Variants in ARHGAP42 observed in about 807,000 individuals in gnomAD.
ARHGAP42 encodes the protein Rho GTPase activating protein 42.
Under a neutral mutation model 125.0 loss-of-function variants are expected in ARHGAP42, and 63 were observed. The observed-to-expected ratio is 0.50, with a 90% CI of 0.41 to 0.62. The LOEUF (loss-of-function observed/expected upper bound fraction) is 0.62, where lower values mean the gene tolerates loss of function less well. Among genes scored for constraint, ARHGAP42 ranks in the 20% least tolerant of loss-of-function variants. ARHGAP42 has a pLI of 0.00. For missense variants in ARHGAP42, 766 were observed against 1,024.2 expected (o/e 0.75, Z 3.44); for synonymous variants, 339 against 351.0 (o/e 0.97, Z 0.38).
chr11:100,838,236 T>C (rs1864861748), intron 3 of ARHGAP42, among the ~76,000 whole-genome samples: 1 of 152,036 alleles, frequency 6.6e-6, no homozygotes, highest in Admixed American at 6.6e-5. Context: ...CTTTTTCTCA[T>C]TACTGTTGGT....
chr11:100,972,236 T>C (rs1345336753), intron 17 of ARHGAP42, among the ~76,000 whole-genome samples: 2 of 152,198 alleles, frequency 1.3e-5, no homozygotes, highest in African/African-American at 4.8e-5. Flanking sequence ...TCTTGTGTTA[T>C]ACTAATAACC....
chr11:100,961,390 A>G (rs1248812008), intron 14 of ARHGAP42, among the ~76,000 whole-genome samples: 3 of 152,132 alleles, frequency 2.0e-5, no homozygotes, highest in African/African-American at 4.8e-5. Context: ...AGGATTGACT[A>G]TGTTAATCTC....
At chr11:100,772,034 A>G (rs1318671141) in intron 2 of ARHGAP42, among the ~76,000 whole-genome samples, 1 of 152,164 alleles carries the variant, frequency 6.6e-6, no homozygotes, top group African/African-American at 2.4e-5. Flanking sequence ...ATACCTCTCC[A>G]CAATCACATT....
At chr11:100,843,457 A>G (rs546814382) in intron 3 of ARHGAP42, among the ~76,000 whole-genome samples, 1 of 152,268 alleles carries the variant, frequency 6.6e-6, no homozygotes, top group South Asian at 2.1e-4. Context: ...AGCCAGAGCA[A>G]TCATTCAAGA....
chr11:100,739,698 G>A (rs1267511296), intron 1 of ARHGAP42, among the ~76,000 whole-genome samples: 3 of 151,984 alleles, frequency 2.0e-5, no homozygotes, highest in Admixed American at 1.3e-4. Context: ...CTCTTTTCTT[G>A]TTCCTTTTGT....
At position 100,978,993 on chromosome 11, in the gene ARHGAP42, AG is replaced by A; in HGVS notation, c.2401del (p.Ala801GlnfsTer55). 1 of 1,551,514 alleles carries A rather than the reference AG, an allele frequency of 6.4e-7. No individual in the cohort carries two copies. The highest frequency in any genetic ancestry group is 2.4e-5 in the East Asian group (1 of 40,910). On this transcript the variant is annotated frameshift_variant, in exon 22 of 24. Coordinates refer to ENST00000298815, the MANE Select transcript of ARHGAP42 (RefSeq NM_152432.4). LOFTEE classifies it high-confidence loss of function. ...GYQRPGSVVA[A>X]KAQLFENVGS... ...ATTTTAAATCATTTTTCAGAGTGGC[AG>A]CAAAAGCTCAACTGTTTGAAAATGT...
At chr11:100,783,725 G>A (rs1271381257) in intron 2 of ARHGAP42, among the ~76,000 whole-genome samples, 1 of 152,186 alleles carries the variant, frequency 6.6e-6, no homozygotes, top group African/African-American at 2.4e-5. Flanking sequence ...TGCCAATGCT[G>A]TGCAAATTTC....
rs869243290 is a variant in ARHGAP42 at position 100,699,506 on chromosome 11, A to ATTTTT, written c.154+11703_154+11707dup. Among the ~76,000 whole-genome samples the ATTTTT allele has an allele frequency of 1.9e-4, 6 of 31,754 alleles. 1 individual carries two copies. The highest frequency in any genetic ancestry group is 4.3e-4 in the African/African-American group (3 of 6,978). 20.8% of individuals were successfully genotyped at this position (31,754 alleles called of 152,430 possible). ...TATATATATATATATATATATATAT[A>ATTTTT]TTTTTTTTTTTTTTTTTTTTTTTTT... is the stretch of plus-strand genomic sequence containing the variant. On this transcript the variant is annotated intron_variant, in intron 1 of 23. Transcript: ENST00000298815.
intron 3 of ARHGAP42, among the ~76,000 whole-genome samples, chr11:100,823,158 A>G (rs1405314702): frequency 6.6e-6 from 1 of 152,182 alleles, no homozygotes; most frequent in Non-Finnish European, 1.5e-5. Context: ...AAATTTAGAA[A>G]TGAAACTTGA....
intron 16 of ARHGAP42, among the ~76,000 whole-genome samples, chr11:100,964,361 G>T (rs935328745): frequency 2.0e-5 from 3 of 152,026 alleles, no homozygotes; most frequent in African/African-American, 4.8e-5. Context: ...GATTTTCTTG[G>T]AGTAGATTTG....
chr11:100,947,831 T>A (rs1441334377), intron 10 of ARHGAP42, among the ~76,000 whole-genome samples: 1 of 152,016 alleles, frequency 6.6e-6, no homozygotes, highest in African/African-American at 2.4e-5. Flanking sequence ...TTATATCTTT[T>A]CCTCCATATG....
At chr11:100,712,670 C>T (rs755911623) in intron 1 of ARHGAP42, among the ~76,000 whole-genome samples, 9 of 151,960 alleles carry the variant, frequency 5.9e-5, no homozygotes, top group South Asian at 2.1e-4. Context: ...TATGCATGTG[C>T]GTGTGTTTGT....
At chr11:100,921,722 G>A (rs1275085684) in intron 6 of ARHGAP42, 118 bp downstream of exon 6, 10 of 666,228 alleles carry the variant, frequency 1.5e-5, no homozygotes, top group Non-Finnish European at 2.4e-5. Context: ...AAAATAAAAG[G>A]GGAGTGGGAA....
At chr11:100,779,552 A>ATACATACGGATATATACGTATATATACG in intron 2 of ARHGAP42, among the ~76,000 whole-genome samples, 1 of 87,342 alleles carries the variant, frequency 1.1e-5, no homozygotes, top group Non-Finnish European at 2.3e-5. Flanking sequence ...ATATATATAC[A>ATACATACGGATATATACGTATATATACG]TATACATACG....
At chr11:100,943,032 G>A (rs1483022004) in intron 9 of ARHGAP42, among the ~76,000 whole-genome samples, 1 of 152,024 alleles carries the variant, frequency 6.6e-6, no homozygotes, top group African/African-American at 2.4e-5. Context: ...GCATCTCAGT[G>A]ACAAAAGAGA....
At chr11:100,901,843 G>T (rs1010864936) in intron 4 of ARHGAP42, among the ~76,000 whole-genome samples, 5 of 152,212 alleles carry the variant, frequency 3.3e-5, no homozygotes, top group Non-Finnish European at 7.3e-5. Context: ...GCTAGGAAAG[G>T]GAAATCCCCT....
intron 4 of ARHGAP42, among the ~76,000 whole-genome samples, chr11:100,885,341 T>C (rs1866065213): frequency 6.6e-6 from 1 of 152,214 alleles, no homozygotes; most frequent in Non-Finnish European, 1.5e-5. Flanking sequence ...GAGTTGATTT[T>C]CTTCTGTTGA....
intron 2 of ARHGAP42, among the ~76,000 whole-genome samples, chr11:100,774,418 G>A (rs957418705): frequency 6.6e-6 from 1 of 152,174 alleles, no homozygotes. Flanking sequence ...GAGGAATGAG[G>A]TAGGGACAGC....
chr11:100,944,393 A>G (rs965848269), intron 10 of ARHGAP42, among the ~76,000 whole-genome samples: 1 of 152,104 alleles, frequency 6.6e-6, no homozygotes, highest in Non-Finnish European at 1.5e-5. Context: ...GTATAATTTA[A>G]GTTTACAATA....
Sources: gnomAD v4.1 joint callset for allele counts (sites outside exome capture counted in the v4.1 genomes callset) on GRCh38, gnomAD v4.1.1 for gene constraint, MANE v1.5 for transcripts, NCBI Gene and HGNC (gene_info 2026-07-23, HGNC 2026-07-21) for gene names.